The following ANO2 variants were observed in gnomAD, a reference collection of about 807,000 sequenced individuals.
The protein encoded by ANO2 is anoctamin 2.
Under a neutral mutation model 124.2 loss-of-function variants are expected in ANO2, and 101 were observed. The observed-to-expected ratio is 0.81, with a 90% CI of 0.69 to 0.96. The LOEUF is 0.96. Among genes scored for constraint, ANO2 ranks in the 40% least tolerant of loss-of-function variants. The pLI, the probability that ANO2 is intolerant of heterozygous loss-of-function variation, is 0.00. For synonymous variants in ANO2, 486 were observed against 482.5 expected, an observed-to-expected ratio of 1.01 and a Z score of -0.09; for missense variants, 1,293 against 1,274.5, an observed-to-expected ratio of 1.01 and a Z score of -0.22.
At chr12:5,911,102 C>A (rs1941021673) in intron 3 of ANO2, among the ~76,000 whole-genome samples, 1 of 152,170 alleles carries the variant, frequency 6.6e-6, no homozygotes, top group African/African-American at 2.4e-5. Context: ...GTCACTCTCC[C>A]AGGACTCTTT....
chr12:5,912,440 G>C (rs939542346), intron 3 of ANO2, among the ~76,000 whole-genome samples: 2 of 152,140 alleles, frequency 1.3e-5, no homozygotes, highest in East Asian at 1.9e-4. Context: ...AGGTTGGGGT[G>C]GGGGGAGGCT....
At chr12:5,940,230 T>C (rs1405893694) in intron 1 of ANO2, among the ~76,000 whole-genome samples, 1 of 152,188 alleles carries the variant, frequency 6.6e-6, no homozygotes, top group Non-Finnish European at 1.5e-5. Context: ...ATATGGAAGG[T>C]GGGCATGCCT....
intron 23 of ANO2, among the ~76,000 whole-genome samples, chr12:5,570,996 G>T (rs1034618038): frequency 6.6e-6 from 1 of 151,992 alleles, no homozygotes; most frequent in Non-Finnish European, 1.5e-5. Flanking sequence ...GAAGCAGATG[G>T]GAGGCAGCCA....
At chr12:5,893,823 T>C (rs1393712258) in intron 3 of ANO2, among the ~76,000 whole-genome samples, 1 of 152,218 alleles carries the variant, frequency 6.6e-6, no homozygotes, top group Non-Finnish European at 1.5e-5. Context: ...CATGAACTCA[T>C]CCTTTTTTAT....
At chr12:5,686,622 GA>G (rs1331074364) in intron 14 of ANO2, among the ~76,000 whole-genome samples, 2 of 152,168 alleles carry the variant, frequency 1.3e-5, no homozygotes, top group Non-Finnish European at 2.9e-5. Context: ...GAGAAGGCTG[GA>G]GGGGCCTTTA....
chr12:5,579,944 C>G lies in ANO2; in HGVS notation c.2234-1426G>C, dbSNP rs557722044. Among the ~76,000 whole-genome samples, 143 of 152,310 alleles carry G rather than the reference C, an allele frequency of 9.4e-4. 1 individual carries two copies. Among genetic ancestry groups the G allele is most frequent in the African/African-American group, 3.3e-3 (139 of 41,582 alleles). On this transcript the variant is annotated intron_variant, in intron 20 of 24. Coordinates refer to ENST00000682330, the MANE Select transcript of ANO2 (RefSeq NM_001364791.2). Reference sequence around the variant, plus strand: ...ATCCCTCCTCCTCTGGACCCCACCACCCTGTGTTCAGGCTTCTGTTGCAGC... The same window carrying G: ...ATCCCTCCTCCTCTGGACCCCACCAGCCTGTGTTCAGGCTTCTGTTGCAGC...
intron 14 of ANO2, among the ~76,000 whole-genome samples, chr12:5,690,126 T>C (rs542828939): frequency 3.0e-4 from 45 of 152,200 alleles, no homozygotes; most frequent in Middle Eastern, 6.8e-3. Flanking sequence ...TGGCTGGAGT[T>C]AATGATGAAG....
chr12:5,917,565 C>CTTTTTTTTTTTTTT (rs1275136752), intron 3 of ANO2, among the ~76,000 whole-genome samples: 1 of 100,632 alleles, frequency 9.9e-6, no homozygotes, highest in Non-Finnish European at 2.3e-5. Flanking sequence ...TCTCTTTTTT[C>CTTTTTTTTTTTTTT]TTTTTTTTTT....
At chr12:5,883,438 A>C (rs1317330193) in intron 3 of ANO2, among the ~76,000 whole-genome samples, 1 of 151,882 alleles carries the variant, frequency 6.6e-6, no homozygotes, top group Non-Finnish European at 1.5e-5. Flanking sequence ...CATTTATGCC[A>C]CTGATTGGAA....
At chr12:5,779,995 C>A (rs1463954919) in intron 10 of ANO2, among the ~76,000 whole-genome samples, 1 of 152,074 alleles carries the variant, frequency 6.6e-6, no homozygotes, top group Non-Finnish European at 1.5e-5. Flanking sequence ...CAACTGATTT[C>A]AAAATGGATT....
chr12:5,754,863 C>G (rs1175343035), intron 10 of ANO2, among the ~76,000 whole-genome samples: 1 of 152,010 alleles, frequency 6.6e-6, no homozygotes, highest in Non-Finnish European at 1.5e-5. Context: ...AAACTCTTAG[C>G]TTCATCAATT....
chr12:5,911,147 T>C (rs1414097353), intron 3 of ANO2, among the ~76,000 whole-genome samples: 2 of 152,150 alleles, frequency 1.3e-5, no homozygotes, highest in Non-Finnish European at 2.9e-5. Context: ...AGACCCTATT[T>C]GATTCTCCCA....
Position 5,612,697 on chromosome 12 carries a change from C to T in ANO2, c.2046G>A (p.Gly682=). Residue 682 remains glycine (G), a synonymous_variant, in exon 19 of 25, where the codon GGG becomes GGA. Coordinates refer to ENST00000682330, the MANE Select transcript of ANO2 (RefSeq NM_001364791.2). ...LCIQLSIIML[G]KQLIQNNIFE... ...AGATGTTGTTCTGGATCAACTGCTTCCCCAACATGATGATGCTGAGCTGAA... is the reference window on the plus strand; with the variant it reads ...AGATGTTGTTCTGGATCAACTGCTTTCCCAACATGATGATGCTGAGCTGAA... The T allele has an allele frequency of 3.1e-6, 5 of 1,613,920 alleles. No homozygotes were observed. The highest frequency in any genetic ancestry group is 4.2e-6 in the Non-Finnish European group (5 of 1,179,874).
chr12:5,594,023 C>G (rs982055110), intron 20 of ANO2, among the ~76,000 whole-genome samples: 2 of 152,138 alleles, frequency 1.3e-5, no homozygotes, highest in African/African-American at 4.8e-5. Context: ...AAACATTGTC[C>G]TCACACTTAA....
chr12:5,739,090 G>GC lies in ANO2; in HGVS notation c.1434+226dup, dbSNP rs375523713. The stretch of plus-strand genomic sequence containing the variant: ...ACTGGGACATCTGCCCAAACACCAG[G>GC]CTCAATGCCCTCCAGCTCAAGGGAA... On this transcript the variant is annotated intron_variant, in intron 13 of 24. Coordinates refer to ENST00000682330, the MANE Select transcript of ANO2 (RefSeq NM_001364791.2). 6.3e-3 allele frequency: 4,153 copies of GC among 662,362 alleles called. 26 individuals are homozygous for GC. Among genetic ancestry groups the GC allele is most frequent in the Middle Eastern group, 0.025 (105 of 4,170 alleles). The allele number at this position is 662,362 out of a possible 1,614,324, so 41.0% of individuals were successfully genotyped here. A position where few individuals can be genotyped will look rare whatever the true frequency, so the allele number is the denominator to read the frequency against.
intron 14 of ANO2, among the ~76,000 whole-genome samples, chr12:5,649,023 T>C (rs957312279): frequency 2.6e-5 from 4 of 152,196 alleles, no homozygotes; most frequent in African/African-American, 9.7e-5. Context: ...CCACTGTGCA[T>C]TGATCTTGGT....
At chr12:5,683,525 T>A (rs1473402179) in intron 14 of ANO2, among the ~76,000 whole-genome samples, 3 of 151,840 alleles carry the variant, frequency 2.0e-5, no homozygotes, top group African/African-American at 7.3e-5. Flanking sequence ...GGCCATGGAG[T>A]CATCTCTGTG....
intron 14 of ANO2, among the ~76,000 whole-genome samples, chr12:5,731,680 C>G (rs1043975446): frequency 2.6e-5 from 4 of 151,964 alleles, no homozygotes; most frequent in East Asian, 1.9e-4. Flanking sequence ...CCATGTCCCC[C>G]CAACATACAT....
intron 20 of ANO2, among the ~76,000 whole-genome samples, chr12:5,587,473 A>G (rs1943171030): frequency 6.6e-6 from 1 of 152,178 alleles, no homozygotes; most frequent in Non-Finnish European, 1.5e-5. Flanking sequence ...AAGCAAATGA[A>G]GAATTTCCTC....
Sources: allele counts gnomAD v4.1 joint callset (sites outside exome capture counted in the v4.1 genomes callset), GRCh38; gene constraint gnomAD v4.1.1; transcripts MANE v1.5; gene names NCBI Gene and HGNC (gene_info 2026-07-23, HGNC 2026-07-21).